Variants in TRIM2 observed in about 807,000 individuals in gnomAD.
The protein encoded by TRIM2 is tripartite motif-containing protein 2.
A neutral mutation model predicts 75.2 loss-of-function variants in TRIM2; 20 were observed. The ratio of observed to expected loss-of-function variants is 0.27; its 90% CI spans 0.19 to 0.39. TRIM2 has a LOEUF of 0.39. Ranked by LOEUF, TRIM2 falls within the 10% of genes least tolerant of loss-of-function variation. The probability of loss-of-function intolerance (pLI) is 1.00; values close to 1 mark genes in which losing one functional copy is unlikely to be tolerated. For missense variants in TRIM2, 660 were observed against 990.8 expected, an observed-to-expected ratio of 0.67 and a Z score of 4.48; for synonymous variants, 373 against 388.3, an observed-to-expected ratio of 0.96 and a Z score of 0.46.
upstream of TRIM2, among the ~76,000 whole-genome samples, chr4:153,202,559 C>CGTG (rs1196752764): frequency 2.6e-5 from 4 of 152,002 alleles, no homozygotes; most frequent in Non-Finnish European, 4.4e-5. Context: ...ATTAGCCGGG[C>CGTG]ATGGCGGCAT....
intron 1 of TRIM2, among the ~76,000 whole-genome samples, chr4:153,268,316 G>C (rs184951627): frequency 2.0e-4 from 30 of 152,250 alleles, no homozygotes; most frequent in African/African-American, 6.5e-4. Flanking sequence ...TCCTACAAAG[G>C]GAGACTGGTC....
intron 1 of TRIM2, among the ~76,000 whole-genome samples, chr4:153,249,331 C>T (rs1207128350): frequency 6.6e-6 from 1 of 152,214 alleles, no homozygotes; most frequent in East Asian, 1.9e-4. Flanking sequence ...GGAGCCCGGG[C>T]CCCGGCAGAG....
intron 1 of TRIM2, among the ~76,000 whole-genome samples, chr4:153,215,498 T>TA (rs111549750): frequency 0.023 from 3,324 of 146,806 alleles, 111 homozygotes; most frequent in African/African-American, 0.076. Context: ...CATATTTCTA[T>TA]AAAAAAAAAA....
At chr4:153,163,990 T>C (rs1730029339) in intron 1 of TRIM2, among the ~76,000 whole-genome samples, 1 of 152,234 alleles carries the variant, frequency 6.6e-6, no homozygotes, top group Non-Finnish European at 1.5e-5. Context: ...GGCTTGGGAC[T>C]GCACAGATTT....
chr4:153,172,491 A>G (rs2149615574), intron 1 of TRIM2, among the ~76,000 whole-genome samples: 1 of 152,238 alleles, frequency 6.6e-6, no homozygotes, highest in African/African-American at 2.4e-5. Context: ...CCAGCCTATT[A>G]CAGTGATTTT....
chr4:153,154,090 G>C (rs988284957), intron 1 of TRIM2, among the ~76,000 whole-genome samples: 4 of 152,176 alleles, frequency 2.6e-5, no homozygotes, highest in African/African-American at 9.7e-5. Context: ...GCAAGGGTGT[G>C]TGTCTCTGTC....
intron 6 of TRIM2, among the ~76,000 whole-genome samples, chr4:153,311,092 G>A (rs1345798079): frequency 2.6e-5 from 4 of 152,112 alleles, no homozygotes; most frequent in Non-Finnish European, 5.9e-5. Context: ...CCTTCTCCTT[G>A]CTCTGAATGG....
chr4:153,301,568 A>G (rs1360614319), intron 6 of TRIM2, among the ~76,000 whole-genome samples: 1 of 152,170 alleles, frequency 6.6e-6, no homozygotes, highest in Non-Finnish European at 1.5e-5. Flanking sequence ...GTTGCCCAGA[A>G]CAGTGTCATG....
intron 3 of TRIM2, among the ~76,000 whole-genome samples, chr4:153,290,196 T>C (rs902915816): frequency 6.6e-6 from 1 of 152,234 alleles, no homozygotes; most frequent in African/African-American, 2.4e-5. Flanking sequence ...TAGTGGGGAA[T>C]GCTCATTTAT....
intron 1 of TRIM2, among the ~76,000 whole-genome samples, chr4:153,215,985 G>T (rs1738375792): frequency 6.6e-6 from 1 of 152,106 alleles, no homozygotes; most frequent in African/African-American, 2.4e-5. Context: ...TTATGCAAAT[G>T]AGGTTTTTAG....
At chr4:153,215,481 C>T (rs1437680069) in intron 1 of TRIM2, among the ~76,000 whole-genome samples, 4 of 151,678 alleles carry the variant, frequency 2.6e-5, no homozygotes, top group African/African-American at 7.3e-5. Context: ...CTCTTGCTGC[C>T]ATTTATCATA....
chr4:153,325,282 T>C (rs970268993), intron 10 of TRIM2, among the ~76,000 whole-genome samples: 2 of 151,954 alleles, frequency 1.3e-5, no homozygotes, highest in African/African-American at 4.8e-5. Flanking sequence ...GGAAATGGGG[T>C]CAGGATAAGG....
intron 6 of TRIM2, among the ~76,000 whole-genome samples, chr4:153,297,883 A>G (rs1425346196): frequency 6.6e-6 from 1 of 152,228 alleles, no homozygotes; most frequent in East Asian, 1.9e-4. Flanking sequence ...AATTCTTGTA[A>G]TATACGTGGC....
chr4:153,270,191 G>C, intron 1 of TRIM2, 144 bp from the exon 2 acceptor site: 1 of 878,830 alleles, frequency 1.1e-6, no homozygotes, highest in Non-Finnish European at 1.7e-6. Context: ...GCCTCCCAAA[G>C]TGCTGGGATT....
At chr4:153,226,404 C>G (rs1216947264) in intron 1 of TRIM2, among the ~76,000 whole-genome samples, 3 of 152,198 alleles carry the variant, frequency 2.0e-5, no homozygotes, top group Admixed American at 1.3e-4. Context: ...GCTGTGGATA[C>G]AGGTTTTGCT....
At chr4:153,196,373 G>A (rs920216958) in intron 1 of TRIM2, among the ~76,000 whole-genome samples, 2 of 152,094 alleles carry the variant, frequency 1.3e-5, no homozygotes, top group Non-Finnish European at 1.5e-5. Flanking sequence ...GGAGGTCAAG[G>A]CTGCAGTGAG....
chr4:153,247,008 T>C lies in TRIM2; in HGVS notation c.31-23327T>C, dbSNP rs948472589. 3.3e-5 allele frequency among the ~76,000 whole-genome samples: 5 copies of C among 152,204 alleles called. No homozygotes were observed. In the East Asian group the frequency reaches 5.8e-4, roughly 18 times the overall value. ...GTGGAAGTGAGGCCTCCCGTTCTCA[T>C]GTCCAGAGACGATGACTTACATCAA... is the stretch of plus-strand genomic sequence containing the variant. On this transcript the variant is annotated intron_variant, in intron 1 of 11. Coordinates refer to ENST00000338700, the MANE Select transcript of TRIM2 (RefSeq NM_015271.5).
At chr4:153,217,561 G>T (rs1345089877) in intron 1 of TRIM2, among the ~76,000 whole-genome samples, 1 of 152,162 alleles carries the variant, frequency 6.6e-6, no homozygotes, top group Non-Finnish European at 1.5e-5. Flanking sequence ...AAAAAAGAGA[G>T]TCATAGTGAC....
At chr4:153,299,013 A>G (rs1473333229) in intron 6 of TRIM2, among the ~76,000 whole-genome samples, 3 of 152,180 alleles carry the variant, frequency 2.0e-5, no homozygotes, top group Admixed American at 2.0e-4. Flanking sequence ...TGCTGGGATT[A>G]CCGGCGTGAG....
Sources: gnomAD v4.1 joint callset for allele counts (sites outside exome capture counted in the v4.1 genomes callset) on GRCh38, gnomAD v4.1.1 for gene constraint, MANE v1.5 for transcripts, NCBI Gene and HGNC (gene_info 2026-07-23, HGNC 2026-07-21) for gene names.